Variants in FAR2 observed in about 807,000 individuals in gnomAD.
The protein encoded by FAR2 is fatty acyl-CoA reductase 2, also known as epididymis secretory protein Li 81.
Under a neutral mutation model 56.0 loss-of-function variants are expected in FAR2, and 19 were observed. That is an observed-to-expected ratio of 0.34 (90% CI 0.24 to 0.50). FAR2 has a LOEUF of 0.50. Among genes scored for constraint, FAR2 ranks in the 20% least tolerant of loss-of-function variants. The pLI is 0.98. For synonymous variants in FAR2, 219 were observed against 218.8 expected (o/e 1.00, Z -0.01); for missense variants, 508 against 642.2 (o/e 0.79, Z 2.26).
chr12:29,256,717 T>C (rs982385437), intron 1 of FAR2, among the ~76,000 whole-genome samples: 35 of 152,226 alleles, frequency 2.3e-4, no homozygotes, highest in African/African-American at 8.4e-4. Flanking sequence ...GGCGTGGGCT[T>C]GGCGGGCCCT....
At chr12:29,272,083 A>G (rs1047517458) in intron 2 of FAR2, among the ~76,000 whole-genome samples, 1 of 152,184 alleles carries the variant, frequency 6.6e-6, no homozygotes, top group Non-Finnish European at 1.5e-5. Flanking sequence ...TTTCTCAGTT[A>G]TCTACCCCTA....
At chr12:29,318,672 C>T (rs930209546) in intron 9 of FAR2, among the ~76,000 whole-genome samples, 1 of 152,148 alleles carries the variant, frequency 6.6e-6, no homozygotes, top group East Asian at 1.9e-4. Context: ...GTTTGCTTTG[C>T]AGTAGGGGGG....
At chr12:29,291,614 G>A (rs1454175100) in intron 2 of FAR2, 1 of 373,646 alleles carries the variant, frequency 2.7e-6, no homozygotes, top group Non-Finnish European at 5.2e-6. Context: ...TATTTAGTGG[G>A]TATGGGATAG....
intron 1 of FAR2, among the ~76,000 whole-genome samples, chr12:29,189,002 A>C (rs1950074150): frequency 2.0e-5 from 3 of 152,040 alleles, no homozygotes; most frequent in South Asian, 4.1e-4. Flanking sequence ...AACCTTCATC[A>C]CTTAGTTCCG....
chr12:29,268,491 A>G (rs1948556666), intron 1 of FAR2, among the ~76,000 whole-genome samples: 1 of 152,200 alleles, frequency 6.6e-6, no homozygotes, highest in South Asian at 2.1e-4. Context: ...CTGGAAACAC[A>G]GGACTTATGT....
intron 1 of FAR2, among the ~76,000 whole-genome samples, chr12:29,257,094 C>A (rs981373619): frequency 6.6e-6 from 1 of 152,252 alleles, no homozygotes; most frequent in African/African-American, 2.4e-5. Context: ...TGGGTGAAGC[C>A]AGCTGGGCTC....
At chr12:29,178,970 A>C (rs1230632595) in intron 1 of FAR2, among the ~76,000 whole-genome samples, 4 of 152,056 alleles carry the variant, frequency 2.6e-5, no homozygotes, top group Admixed American at 2.6e-4. Flanking sequence ...ATCGGGAAGG[A>C]GCTGTTCCTG....
At chr12:29,281,404 G>T (rs1187976281) in intron 2 of FAR2, 1 of 152,116 alleles carries the variant, frequency 6.6e-6, no homozygotes, top group Non-Finnish European at 1.5e-5. Context: ...TCTCTGGGAG[G>T]AACCTTCTTT....
intron 5 of FAR2, among the ~76,000 whole-genome samples, 188 bp from the exon 6 acceptor site, chr12:29,308,998 A>G (rs1258451110): frequency 1.3e-5 from 2 of 152,154 alleles, no homozygotes; most frequent in Non-Finnish European, 2.9e-5. Context: ...GCACAGTCAA[A>G]TAAAGTACAG....
intron 9 of FAR2, among the ~76,000 whole-genome samples, chr12:29,320,659 G>T (rs1013242277): frequency 6.6e-6 from 1 of 152,082 alleles, no homozygotes; most frequent in South Asian, 2.1e-4. Context: ...AAAAGACCTA[G>T]GTTGGGGATT....
chr12:29,165,670 C>T (rs897512839), intron 1 of FAR2, among the ~76,000 whole-genome samples: 2 of 151,996 alleles, frequency 1.3e-5, no homozygotes, highest in Non-Finnish European at 2.9e-5. Context: ...TCTTCTTTTT[C>T]GATGATCAAA....
chr12:29,231,374 A>T (rs765319588), intron 1 of FAR2, among the ~76,000 whole-genome samples: 6 of 152,172 alleles, frequency 3.9e-5, no homozygotes, highest in African/African-American at 7.2e-5. Context: ...TCTAGCTTGT[A>T]CAACAAGATG....
chr12:29,257,987 C>T (rs1200265567), intron 1 of FAR2, among the ~76,000 whole-genome samples: 1 of 152,062 alleles, frequency 6.6e-6, no homozygotes, highest in Non-Finnish European at 1.5e-5. Flanking sequence ...TAGCCTTAAT[C>T]CTACCACAGT....
chr12:29,328,685 T>C (rs1202730676), intron 10 of FAR2, among the ~76,000 whole-genome samples: 1 of 135,222 alleles, frequency 7.4e-6, no homozygotes, highest in Non-Finnish European at 1.5e-5. Context: ...AGGTGGGAAT[T>C]GAACAATGAG....
At chr12:29,287,440 T>C (rs1948896584) in intron 2 of FAR2, among the ~76,000 whole-genome samples, 1 of 152,236 alleles carries the variant, frequency 6.6e-6, no homozygotes, top group Non-Finnish European at 1.5e-5. Flanking sequence ...TTTGCTTAAA[T>C]TAACGAACTT....
At chr12:29,306,462 A>T (rs1949255785) in intron 4 of FAR2, among the ~76,000 whole-genome samples, 1 of 152,208 alleles carries the variant, frequency 6.6e-6, no homozygotes, top group Non-Finnish European at 1.5e-5. Context: ...AAAATTTGTC[A>T]TGTCAGCAAA....
intron 2 of FAR2, among the ~76,000 whole-genome samples, chr12:29,290,102 T>C (rs1487195945): frequency 1.3e-5 from 2 of 152,146 alleles, no homozygotes; most frequent in African/African-American, 2.4e-5. Flanking sequence ...GAATGTAAAT[T>C]AGTACAACCA....
intron 1 of FAR2, among the ~76,000 whole-genome samples, chr12:29,233,926 A>G (rs899780449): frequency 2.6e-5 from 4 of 152,132 alleles, no homozygotes; most frequent in Admixed American, 1.3e-4. Context: ...TCCTCCTTCA[A>G]TGACTGCTAA....
intron 10 of FAR2, 112 bp from the exon 11 acceptor site, chr12:29,332,488 C>A: frequency 6.7e-7 from 1 of 1,485,522 alleles, no homozygotes; most frequent in Non-Finnish European, 9.1e-7. Flanking sequence ...GAGGGTCCAA[C>A]CTATGTCTCC....
Sources: allele counts gnomAD v4.1 joint callset (sites outside exome capture counted in the v4.1 genomes callset), GRCh38; gene constraint gnomAD v4.1.1; transcripts MANE v1.5; gene names NCBI Gene and HGNC (gene_info 2026-07-23, HGNC 2026-07-21).